TNFAIP8L3: variants seen among roughly 807,000 people sequenced by gnomAD.
TNFAIP8L3 encodes tumor necrosis factor alpha-induced protein 8-like protein 3.
In TNFAIP8L3, 7 loss-of-function variants were observed where a neutral mutation model predicts 11.8. The observed-to-expected ratio is 0.59, with a 90% CI of 0.34 to 1.11. TNFAIP8L3 has a LOEUF of 1.11. Ranked by LOEUF, TNFAIP8L3 falls within the 50% of genes most tolerant of loss-of-function variation. The pLI is 0.03. For missense variants in TNFAIP8L3, 219 were observed against 258.6 expected (o/e 0.85, Z 1.05); for synonymous variants, 98 against 103.8 (o/e 0.94, Z 0.34).
upstream of TNFAIP8L3, among the ~76,000 whole-genome samples, chr15:51,096,776 T>G (rs576197350): frequency 1.3e-5 from 2 of 150,942 alleles, no homozygotes; most frequent in South Asian, 4.2e-4. Context: ...CTGTAATCAC[T>G]GCTACTCGGG....
At chr15:51,104,007 G>C (rs1180574074) in intron 1 of TNFAIP8L3, among the ~76,000 whole-genome samples, 2 of 152,188 alleles carry the variant, frequency 1.3e-5, no homozygotes, top group Non-Finnish European at 2.9e-5. Context: ...GCAGAGTGGA[G>C]GGTGAGGTCA....
In TNFAIP8L3 at chr15:51,057,793, G is replaced by C; in HGVS notation, c.*88C>G. On this transcript the variant is annotated 3_prime_UTR_variant, in exon 2 of 2. Coordinates refer to ENST00000637513, the MANE Select transcript of TNFAIP8L3 (RefSeq NM_001311175.2). Reference sequence around the variant, plus strand: ...AAAGAACATGGACATCTTTGACAAGGGTTTCTGCTTATGTTCTTGATTCTC... The same window carrying C: ...AAAGAACATGGACATCTTTGACAAGCGTTTCTGCTTATGTTCTTGATTCTC... 1 of 1,145,250 alleles carries C rather than the reference G, an allele frequency of 8.7e-7. No individual in the cohort carries two copies. The highest frequency in any genetic ancestry group is 1.2e-6 in the Non-Finnish European group (1 of 804,502). 70.9% of individuals were successfully genotyped at this position (1,145,250 alleles called of 1,614,324 possible). A position where few individuals can be genotyped will look rare whatever the true frequency, so the allele number is the denominator to read the frequency against.
intron 1 of TNFAIP8L3, among the ~76,000 whole-genome samples, chr15:51,072,376 G>T (rs2065315447): frequency 1.3e-5 from 2 of 152,158 alleles, no homozygotes; most frequent in African/African-American, 4.8e-5. Flanking sequence ...CTGATCTCAA[G>T]TGATCTGCCT....
chr15:51,097,892 A>G (rs2065525337), upstream of TNFAIP8L3, among the ~76,000 whole-genome samples: 1 of 152,166 alleles, frequency 6.6e-6, no homozygotes, highest in South Asian at 2.1e-4. Context: ...AAAAAGGGAA[A>G]GGGTTTCTGT....
chr15:51,104,277 C>T (rs2065573727), intron 1 of TNFAIP8L3, among the ~76,000 whole-genome samples: 1 of 152,166 alleles, frequency 6.6e-6, no homozygotes, highest in Non-Finnish European at 1.5e-5. Context: ...TTGATTGCTG[C>T]AACAGGACTC....
At chr15:51,095,711 A>T (rs972352524), upstream of TNFAIP8L3, among the ~76,000 whole-genome samples, 2 of 152,154 alleles carry the variant, frequency 1.3e-5, no homozygotes, top group Non-Finnish European at 2.9e-5. Context: ...GAGGGGGGAA[A>T]TGCACGGAGC....
intron 1 of TNFAIP8L3, among the ~76,000 whole-genome samples, chr15:51,102,500 A>C (rs759536478): frequency 1.3e-5 from 2 of 152,128 alleles, no homozygotes; most frequent in Admixed American, 1.3e-4. Context: ...AGCTAAATAC[A>C]TGTTCCAATC....
Position 51,058,990 on chromosome 15 carries a change from A to G in TNFAIP8L3, c.53-547T>C, listed in dbSNP as rs182424020. On this transcript the variant is annotated intron_variant, in intron 1 of 1. Transcript: ENST00000637513. ...TTGCTTTTGAAATATTGAAAATTGG[A>G]TGGGTCTTTCAGTTACTGTTGCCAG... 2.4e-3 allele frequency among the ~76,000 whole-genome samples: 366 copies of G among 152,326 alleles called. 2 individuals are homozygous for G. The highest frequency in any genetic ancestry group is 8.5e-3 in the African/African-American group (353 of 41,568).
chr15:51,096,620 G>A (rs973522807), upstream of TNFAIP8L3, among the ~76,000 whole-genome samples: 21 of 152,272 alleles, frequency 1.4e-4, no homozygotes, highest in South Asian at 1.7e-3. Context: ...GGCCGGGCAC[G>A]GTGGCTCACG....
intron 1 of TNFAIP8L3, among the ~76,000 whole-genome samples, chr15:51,084,929 G>C (rs895928441): frequency 9.2e-5 from 14 of 152,146 alleles, no homozygotes; most frequent in African/African-American, 3.1e-4. Flanking sequence ...TTAGGAAAAA[G>C]GTATTAATGA....
intron 1 of TNFAIP8L3, among the ~76,000 whole-genome samples, chr15:51,077,251 TC>T (rs1209157415): frequency 2.6e-5 from 4 of 152,162 alleles, no homozygotes; most frequent in Non-Finnish European, 4.4e-5. Flanking sequence ...CAAGGCCTCT[TC>T]CTGTGTTGGC....
Position 51,100,715 on chromosome 15 carries a change from G to A in TNFAIP8L3, c.172+4290C>T, listed in dbSNP as rs28570117. On this transcript the variant is annotated intron_variant, in intron 1 of 2. Coordinates refer to the TNFAIP8L3 transcript ENST00000327536. ...GTGGGGGAATCAAGATGATGAAAGA[G>A]GTTTGGAAACCATTCTGTATGAGAA... Among the ~76,000 whole-genome samples the A allele has an allele frequency of 3.8e-3, 583 of 152,092 alleles. 6 individuals are homozygous for A. Among genetic ancestry groups the A allele is most frequent in the African/African-American group, 0.014 (565 of 41,510 alleles).
intron 1 of TNFAIP8L3, among the ~76,000 whole-genome samples, chr15:51,068,299 C>G (rs1454179933): frequency 6.6e-6 from 1 of 152,018 alleles, no homozygotes; most frequent in Non-Finnish European, 1.5e-5. Flanking sequence ...GAGGAGCCAG[C>G]CTGTAGGGAA....
intron 1 of TNFAIP8L3, among the ~76,000 whole-genome samples, chr15:51,087,652 T>C (rs974394084): frequency 6.6e-6 from 1 of 152,060 alleles, no homozygotes; most frequent in Admixed American, 6.6e-5. Flanking sequence ...AGTGTCTCCT[T>C]TTTTTCCCAG....
chr15:51,091,582 G>A (rs1315890217), intron 1 of TNFAIP8L3, among the ~76,000 whole-genome samples: 2 of 151,960 alleles, frequency 1.3e-5, no homozygotes, highest in Non-Finnish European at 2.9e-5. Context: ...AGGAGAAGCT[G>A]GTGAAAGCAG....
At chr15:51,082,622 A>G (rs2065400090) in intron 1 of TNFAIP8L3, among the ~76,000 whole-genome samples, 1 of 152,324 alleles carries the variant, frequency 6.6e-6, no homozygotes, top group Admixed American at 6.5e-5. Flanking sequence ...ATTTTTAAAA[A>G]CTTTTTGACT....
intron 1 of TNFAIP8L3, among the ~76,000 whole-genome samples, chr15:51,093,021 C>T (rs1446957464): frequency 3.3e-5 from 5 of 152,178 alleles, no homozygotes; most frequent in African/African-American, 1.2e-4. Context: ...TTCCCGCTTG[C>T]GCTCTCGAAA....
Position 51,072,430 on chromosome 15 carries a change from C to T in TNFAIP8L3, c.53-13987G>A, listed in dbSNP as rs375376044. On this transcript the variant is annotated intron_variant, in intron 1 of 1. Transcript: ENST00000637513. ...TGCTGAGATTATAGGCATAAGCCAC[C>T]GCGCCTGGCCAGAAATCTAAAATTT... 1.3e-4 allele frequency among the ~76,000 whole-genome samples: 20 copies of T among 152,172 alleles called. No homozygotes were observed. The East Asian group carries it at 1.5e-3, about 12-fold the overall frequency.
intron 1 of TNFAIP8L3, among the ~76,000 whole-genome samples, chr15:51,066,648 T>C (rs1032820096): frequency 6.6e-5 from 10 of 152,132 alleles, no homozygotes; most frequent in African/African-American, 2.4e-4. Context: ...GGGTGAATGA[T>C]GAGGAAGGTG....
Sources: gnomAD v4.1 joint callset for allele counts (sites outside exome capture counted in the v4.1 genomes callset) on GRCh38, gnomAD v4.1.1 for gene constraint, MANE v1.5 for transcripts, NCBI Gene and HGNC (gene_info 2026-07-23, HGNC 2026-07-21) for gene names.